The following CNDP1 variants were observed in gnomAD, a reference collection of about 807,000 sequenced individuals.
The protein encoded by CNDP1 is carnosine dipeptidase 1.
CNDP1 carries 44 observed loss-of-function variants against 58.1 expected under a neutral mutation model. The ratio of observed to expected loss-of-function variants is 0.76; its 90% CI spans 0.60 to 0.97. The LOEUF (loss-of-function observed/expected upper bound fraction) is 0.97. Among genes scored for constraint, CNDP1 ranks in the 50% least tolerant of loss-of-function variants. The probability of loss-of-function intolerance (pLI) is 0.00; values close to 1 mark genes in which losing one functional copy is unlikely to be tolerated. For missense variants in CNDP1, 616 were observed against 655.1 expected (o/e 0.94, Z 0.65); for synonymous variants, 254 against 252.6 (o/e 1.01, Z -0.05).
At chr18:74,580,044 A>T in intron 9 of CNDP1, 86 bp from the exon 10 acceptor site, 2 of 1,196,084 alleles carry the variant, frequency 1.7e-6, no homozygotes, top group African/African-American at 1.5e-5. Flanking sequence ...TAACTGTACT[A>T]ATCAGTTTCT....
At chr18:74,547,464 C>A (rs1008312403) in intron 1 of CNDP1, among the ~76,000 whole-genome samples, 1 of 152,202 alleles carries the variant, frequency 6.6e-6, no homozygotes, top group Non-Finnish European at 1.5e-5. Context: ...CTGTTCAACA[C>A]CCAAAATAAA....
intron 11 of CNDP1, 173 bp from the exon 12 acceptor site, chr18:74,584,323 A>T: frequency 1.7e-6 from 1 of 587,120 alleles, no homozygotes; most frequent in Non-Finnish European, 3.0e-6. Flanking sequence ...TAATAATGCA[A>T]TTTTCACATG....
rs562004679 is a variant in CNDP1, at chr18:74,540,406, C to T, written c.24+5715C>T. 3.1e-4 allele frequency among the ~76,000 whole-genome samples: 47 copies of T among 152,234 alleles called. No homozygotes were observed. The East Asian group carries it at 7.7e-3, about 25-fold the overall frequency. ...AACTCCTGACCTCAGGTGATCCACC[C>T]GCCTCATCCTCCCAAGGTGTTGGGA... On this transcript the variant is annotated intron_variant, in intron 1 of 11. Transcript: ENST00000358821.
chr18:74,574,982 CAG>C (rs1981588751), intron 7 of CNDP1, among the ~76,000 whole-genome samples: 1 of 111,592 alleles, frequency 9.0e-6, no homozygotes, highest in South Asian at 2.9e-4. Flanking sequence ...AAGAAAGAAA[CAG>C]AGAAAAGGAA....
chr18:74,555,519 G>A (rs1268396329), intron 1 of CNDP1, among the ~76,000 whole-genome samples: 1 of 152,308 alleles, frequency 6.6e-6, no homozygotes, highest in East Asian at 1.9e-4. Context: ...GCTCTGGGGG[G>A]CCTCTGTGAA....
chr18:74,578,244 A>G lies in CNDP1; in HGVS notation c.1084A>G (p.Lys362Glu), dbSNP rs937290358. ...GGGCGCGTTTGATGAGCCTGGAACT[A>G]AAACAGTCATACCTGGCCGAGTTAT... ...IEGAFDEPGT[K>E]TVIPGRVIGK... The change falls in exon 9 of 12, where the codon AAA becomes GAA. Residue 362 changes from lysine (K) to glutamate (E), a missense_variant. Coordinates refer to ENST00000358821, the MANE Select transcript of CNDP1 (RefSeq NM_032649.6). The G allele has an allele frequency of 3.7e-6, 6 of 1,614,132 alleles. No individual in the cohort carries two copies. Among genetic ancestry groups the G allele is most frequent in the Non-Finnish European group, 5.1e-6 (6 of 1,180,002 alleles).
chr18:74,580,308 C>G lies in CNDP1; in HGVS notation c.1309+37C>G. On this transcript the variant is annotated intron_variant, in intron 10 of 11. Coordinates refer to ENST00000358821, the MANE Select transcript of CNDP1 (RefSeq NM_032649.6). ...AGATCTTCTGACTGGCCAATCTGCA[C>G]TGGGACTCAGGGGTGGTACCCGTGG... 1.9e-6 allele frequency: 3 copies of G among 1,610,168 alleles called. No homozygotes were observed. The Admixed American group carries it at 5.0e-5, about 27-fold the overall frequency.
At position 74,569,201 on chromosome 18, in the gene CNDP1, T is replaced by A. The variant is rs182500877; in HGVS notation, c.756+1768T>A. On this transcript the variant is annotated intron_variant, in intron 6 of 11. Coordinates refer to ENST00000358821, the MANE Select transcript of CNDP1 (RefSeq NM_032649.6). Reference sequence around the variant, plus strand: ...TCCAGAGTAATTTAGCTAGCATTATTGCCTAGTGAACGGAAAGTCTTAATG... The same window carrying A: ...TCCAGAGTAATTTAGCTAGCATTATAGCCTAGTGAACGGAAAGTCTTAATG... 8.6e-4 allele frequency among the ~76,000 whole-genome samples: 131 copies of A among 152,262 alleles called. 2 individuals carry two copies. Among genetic ancestry groups the A allele is most frequent in the Middle Eastern group, 3.4e-3 (1 of 294 alleles).
chr18:74,550,172 C>A (rs1306745407), intron 1 of CNDP1, among the ~76,000 whole-genome samples: 1 of 152,208 alleles, frequency 6.6e-6, no homozygotes, highest in Non-Finnish European at 1.5e-5. Context: ...CTCCAGACCC[C>A]AGAATGGTAG....
intron 1 of CNDP1, among the ~76,000 whole-genome samples, chr18:74,540,907 G>C (rs1980605081): frequency 6.6e-6 from 1 of 152,226 alleles, no homozygotes; most frequent in African/African-American, 2.4e-5. Context: ...TCCAGCACTA[G>C]AATCTGAGGA....
chr18:74,573,879 T>C (rs971248778), intron 7 of CNDP1, among the ~76,000 whole-genome samples: 1 of 125,056 alleles, frequency 8.0e-6, no homozygotes, highest in South Asian at 2.9e-4. Context: ...TGACTTTCTT[T>C]AGTTCTTGAT....
chr18:74,535,150 C>A (rs142524211), intron 1 of CNDP1, among the ~76,000 whole-genome samples: 3 of 152,116 alleles, frequency 2.0e-5, no homozygotes, highest in African/African-American at 7.2e-5. Flanking sequence ...CCTTTCTCGG[C>A]GAGGTTTCCA....
chr18:74,535,114 TA>T (rs1329247980), intron 1 of CNDP1, among the ~76,000 whole-genome samples: 11 of 152,224 alleles, frequency 7.2e-5, no homozygotes, highest in Admixed American at 7.2e-4. Flanking sequence ...TTGCAAGAGC[TA>T]ATCACCGGGC....
intron 6 of CNDP1, among the ~76,000 whole-genome samples, chr18:74,570,304 C>T (rs1217848499): frequency 1.3e-5 from 2 of 151,620 alleles, no homozygotes; most frequent in Non-Finnish European, 2.9e-5. Context: ...GGGAGAGTGA[C>T]GTAGACAAAA....
At position 74,583,578 on chromosome 18, in the gene CNDP1, G is replaced by C. The variant is rs1981839014; in HGVS notation, c.1327G>C (p.Asp443His). Reference sequence around the variant, plus strand: ...TGTCTCAGTGTTTGGAACAGAACCAGATATGATCCGGGATGGATCCACCAT... The same window carrying C: ...TGTCTCAGTGTTTGGAACAGAACCACATATGATCCGGGATGGATCCACCAT... ...AIRTVFGTEPDMIRDGSTIPI... is the reference protein window; with the variant it reads ...AIRTVFGTEPHMIRDGSTIPI... The change falls in exon 11 of 12, where the codon GAT (aspartate) becomes CAT (histidine). Residue 443 changes from aspartate to histidine, a missense_variant. Transcript: ENST00000358821. 6.2e-7 allele frequency: 1 copy of C among 1,614,160 alleles called. No individual in the cohort carries two copies. Among genetic ancestry groups the C allele is most frequent in the Non-Finnish European group, 8.5e-7 (1 of 1,179,996 alleles).
intron 3 of CNDP1, 54 bp from the exon 4 acceptor site, chr18:74,560,802 T>A: frequency 7.7e-6 from 12 of 1,555,742 alleles, no homozygotes; most frequent in Non-Finnish European, 8.8e-6. Flanking sequence ...TCTTTGAATT[T>A]TCTGGAAGAA....
In CNDP1 at chr18:74,550,721, C is replaced by G. The variant is rs896395560; in HGVS notation, c.25-5617C>G. Among the ~76,000 whole-genome samples, 122 of 150,734 alleles carry G rather than the reference C, an allele frequency of 8.1e-4. 1 individual carries two copies. Among genetic ancestry groups the G allele is most frequent in the African/African-American group, 2.9e-3 (118 of 40,764 alleles). Reference sequence around the variant, plus strand: ...CCTCTCAAGTAGCTGGGACTACAGGCACCTGCCACCACGCCCGACTATTTT... The same window carrying G: ...CCTCTCAAGTAGCTGGGACTACAGGGACCTGCCACCACGCCCGACTATTTT... On this transcript the variant is annotated intron_variant, in intron 1 of 11. Coordinates refer to ENST00000358821, the MANE Select transcript of CNDP1 (RefSeq NM_032649.6).
At chr18:74,549,431 G>A (rs1418610483) in intron 1 of CNDP1, among the ~76,000 whole-genome samples, 1 of 151,940 alleles carries the variant, frequency 6.6e-6, no homozygotes, top group East Asian at 1.9e-4. Flanking sequence ...TTTTCACATT[G>A]AAAATCAGTC....
At chr18:74,560,783 A>T (rs1981172745) in intron 3 of CNDP1, 73 bp from the exon 4 acceptor site, 1 of 1,396,944 alleles carries the variant, frequency 7.2e-7, no homozygotes. Flanking sequence ...CAAGACTCCC[A>T]ATGTCATGTC....
Sources: allele counts gnomAD v4.1 joint callset (sites outside exome capture counted in the v4.1 genomes callset), GRCh38; gene constraint gnomAD v4.1.1; transcripts MANE v1.5; gene names NCBI Gene and HGNC (gene_info 2026-07-23, HGNC 2026-07-21).